The following PRUNE2 variants were observed in gnomAD, a reference collection of about 807,000 sequenced individuals.
PRUNE2 encodes the protein protein prune homolog 2.
PRUNE2 carries 164 observed loss-of-function variants against 252.0 expected under a neutral mutation model. The ratio of observed to expected loss-of-function variants is 0.65; its 90% CI spans 0.57 to 0.74. The LOEUF is 0.74. Ranked by LOEUF, PRUNE2 falls within the 30% of genes least tolerant of loss-of-function variation. The pLI is 0.00. For missense variants in PRUNE2, 3,495 were observed against 3,711.0 expected, an observed-to-expected ratio of 0.94 and a Z score of 1.51; for synonymous variants, 1,292 against 1,350.2, an observed-to-expected ratio of 0.96 and a Z score of 0.94.
chr9:76,619,010 T>C (rs1830904716), intron 18 of PRUNE2, among the ~76,000 whole-genome samples: 5 of 152,204 alleles, frequency 3.3e-5, no homozygotes, highest in Non-Finnish European at 5.9e-5. Flanking sequence ...CTAATTAAAA[T>C]AGAGATGATG....
chr9:76,738,421 A>G (rs896487920), intron 6 of PRUNE2: 1 of 152,164 alleles, frequency 6.6e-6, no homozygotes, highest in African/African-American at 2.4e-5. Context: ...AAAGCTCAAC[A>G]TCCTCGCCTC....
chr9:76,864,424 C>A (rs2060721152), intron 1 of PRUNE2, among the ~76,000 whole-genome samples: 1 of 151,952 alleles, frequency 6.6e-6, no homozygotes, highest in Admixed American at 6.6e-5. Context: ...AACAAACCTG[C>A]ATATGTATTC....
At chr9:76,740,952 G>C (rs1358207053) in intron 6 of PRUNE2, among the ~76,000 whole-genome samples, 1 of 152,118 alleles carries the variant, frequency 6.6e-6, no homozygotes, top group East Asian at 1.9e-4. Context: ...AGTGATGCTT[G>C]AACCCCACAT....
intron 11 of PRUNE2, among the ~76,000 whole-genome samples, chr9:76,650,462 C>T (rs1846955198): frequency 6.6e-6 from 1 of 152,034 alleles, no homozygotes. Flanking sequence ...GCGTGAGAAA[C>T]CTAAGAAACA....
intron 18 of PRUNE2, among the ~76,000 whole-genome samples, chr9:76,618,348 G>C (rs543754341): frequency 6.6e-6 from 1 of 152,170 alleles, no homozygotes; most frequent in African/African-American, 2.4e-5. Flanking sequence ...GAGGTCCAAA[G>C]ACAGCAAAAG....
chr9:76,669,818 A>G (rs1282654349), intron 9 of PRUNE2, among the ~76,000 whole-genome samples: 2 of 152,172 alleles, frequency 1.3e-5, no homozygotes. Context: ...TAACAAGGCA[A>G]TGACTTCATA....
intron 6 of PRUNE2, chr9:76,784,084 C>T (rs957357659): frequency 1.3e-5 from 2 of 152,324 alleles, no homozygotes; most frequent in Middle Eastern, 3.4e-3. Flanking sequence ...GGCTCACCTC[C>T]GTCCCTCCAT....
At chr9:76,677,597 C>T (rs1413276145) in intron 9 of PRUNE2, among the ~76,000 whole-genome samples, 12 of 152,196 alleles carry the variant, frequency 7.9e-5, no homozygotes, top group Non-Finnish European at 2.9e-5. Flanking sequence ...CACCAGTGTT[C>T]GCTCCTTTGG....
intron 6 of PRUNE2, among the ~76,000 whole-genome samples, chr9:76,809,169 T>C (rs1243827232): frequency 1.3e-5 from 2 of 152,178 alleles, no homozygotes; most frequent in African/African-American, 4.8e-5. Context: ...CTACCTCCCC[T>C]TCCCAAATTA....
In PRUNE2 at chr9:76,894,716, GC is replaced by G. The variant is rs775826125; in HGVS notation, c.36+11211del. On this transcript the variant is annotated intron_variant, in intron 1 of 18. Coordinates refer to ENST00000376718, the MANE Select transcript of PRUNE2 (RefSeq NM_015225.3). ...TGCACCCTTTCATTAATTTTCTGCA[GC>G]AAAAAAAAAAAAAAAGGACCAGCCA... Among the ~76,000 whole-genome samples the G allele has an allele frequency of 9.9e-5, 11 of 110,714 alleles. 1 individual carries two copies. In the East Asian group the frequency reaches 1.9e-3, roughly 19 times the overall value. 72.6% of individuals were successfully genotyped at this position (110,714 alleles called of 152,430 possible).
At chr9:76,892,131 T>C (rs1785735385) in intron 1 of PRUNE2, among the ~76,000 whole-genome samples, 1 of 152,202 alleles carries the variant, frequency 6.6e-6, no homozygotes. Flanking sequence ...ACAGTTTCTG[T>C]TACGCTTGTC....
At chr9:76,728,646 T>A (rs2048322068) in intron 6 of PRUNE2, among the ~76,000 whole-genome samples, 1 of 152,244 alleles carries the variant, frequency 6.6e-6, no homozygotes, top group Non-Finnish European at 1.5e-5. Context: ...TGCGTATGTG[T>A]GTTTTTAAAT....
chr9:76,621,065 T>A (rs923841045), intron 17 of PRUNE2, among the ~76,000 whole-genome samples: 1 of 151,998 alleles, frequency 6.6e-6, no homozygotes, highest in African/African-American at 2.4e-5. Flanking sequence ...AGTGGTGGTA[T>A]GTGTGTGTGT....
At chr9:76,855,017 G>T (rs1267985887) in intron 1 of PRUNE2, among the ~76,000 whole-genome samples, 1 of 135,516 alleles carries the variant, frequency 7.4e-6, no homozygotes, top group African/African-American at 2.8e-5. Context: ...AGTGAGCCGA[G>T]ATTGCACCAC....
intron 6 of PRUNE2, among the ~76,000 whole-genome samples, chr9:76,774,450 CTTTTTTTTTTTTT>C (rs869289049): frequency 2.4e-5 from 1 of 41,396 alleles, no homozygotes; most frequent in Non-Finnish European, 3.9e-5. Flanking sequence ...CAGTTCAACC[CTTTTTTTTTTTTT>C]TTTTTTTTTT....
intron 16 of PRUNE2, 122 bp from the exon 17 acceptor site, chr9:76,624,612 C>G (rs1236260033): frequency 1.8e-6 from 1 of 568,270 alleles, no homozygotes; most frequent in Non-Finnish European, 2.8e-6. Context: ...TCGAAACTGT[C>G]TTCTGGAGCC....
intron 9 of PRUNE2, among the ~76,000 whole-genome samples, chr9:76,683,878 G>C (rs1242496830): frequency 1.3e-5 from 2 of 151,014 alleles, no homozygotes; most frequent in Admixed American, 6.6e-5. Context: ...ATACACATAT[G>C]TATTTGCATA....
chr9:76,820,811 A>G (rs546023324), intron 6 of PRUNE2, among the ~76,000 whole-genome samples: 5 of 152,332 alleles, frequency 3.3e-5, no homozygotes, highest in Admixed American at 6.5e-5. Context: ...AGGAAAAAGT[A>G]GGCTGCTTTG....
At chr9:76,878,457 A>G (rs2061584649) in intron 1 of PRUNE2, among the ~76,000 whole-genome samples, 1 of 152,208 alleles carries the variant, frequency 6.6e-6, no homozygotes. Context: ...GGACCACAGA[A>G]GACCCACTGT....
Sources: gnomAD v4.1 joint callset for allele counts (sites outside exome capture counted in the v4.1 genomes callset) on GRCh38, gnomAD v4.1.1 for gene constraint, MANE v1.5 for transcripts, NCBI Gene and HGNC (gene_info 2026-07-23, HGNC 2026-07-21) for gene names.